NUDT19: variants seen among roughly 807,000 people sequenced by gnomAD.
NUDT19 encodes the protein nudix hydrolase 19.
Under a neutral mutation model 22.2 loss-of-function variants are expected in NUDT19, and 31 were observed. The observed-to-expected ratio is 1.40, with a 90% CI of 1.05 to 1.89. The LOEUF is 1.89. Ranked by LOEUF, NUDT19 falls within the 40% of genes most tolerant of loss-of-function variation. The pLI is 0.00. For synonymous variants in NUDT19, 325 were observed against 230.8 expected (o/e 1.41, Z -3.70); for missense variants, 752 against 514.2 (o/e 1.46, Z -4.47).
intron 2 of NUDT19, among the ~76,000 whole-genome samples, chr19:32,710,634 G>A (rs745412610): frequency 2.1e-4 from 32 of 151,792 alleles, no homozygotes; most frequent in Non-Finnish European, 4.1e-4. Context: ...TGGCTCACAC[G>A]TGTAATCTCA....
At chr19:32,705,106 C>CAA (rs34871387) in intron 1 of NUDT19, among the ~76,000 whole-genome samples, 131 of 53,948 alleles carry the variant, frequency 2.4e-3, no homozygotes, top group South Asian at 3.1e-3. Flanking sequence ...GACTTCATCT[C>CAA]AAAAAAAAAA....
chr19:32,711,695 C>T (rs897526933), intron 2 of NUDT19, 57 bp from the exon 3 acceptor site: 2 of 977,794 alleles, frequency 2.0e-6, no homozygotes, highest in South Asian at 1.5e-5. Flanking sequence ...ATACTTTCTG[C>T]CATGGTGAAA....
intron 2 of NUDT19, among the ~76,000 whole-genome samples, chr19:32,709,900 G>A (rs1968427825): frequency 6.6e-6 from 1 of 151,282 alleles, no homozygotes; most frequent in Non-Finnish European, 1.5e-5. Context: ...TGATCCACCC[G>A]CCTTGGCCTC....
intron 1 of NUDT19, among the ~76,000 whole-genome samples, chr19:32,693,338 G>A (rs1968224872): frequency 6.6e-6 from 1 of 152,172 alleles, no homozygotes. Context: ...TAAAGGTGGT[G>A]CGTCAGGAGT....
chr19:32,711,715 G>T (rs774881137), intron 2 of NUDT19, 37 bp from the exon 3 acceptor site: 1 of 1,220,292 alleles, frequency 8.2e-7, no homozygotes, highest in South Asian at 1.3e-5. Context: ...AAATAATTTT[G>T]TATTTAAAAA....
In NUDT19 at chr19:32,709,231, T is replaced by C. The variant is rs776949349; in HGVS notation, c.761T>C (p.Ile254Thr). 5 of 1,613,952 alleles carry C rather than the reference T, an allele frequency of 3.1e-6. No individual in the cohort carries two copies. In the Admixed American group the frequency reaches 8.3e-5, roughly 27 times the overall value. ...ACTGAAAGTTTCTTATCAAAAGAAA[T>C]TTGGTTGCCACCCCCACAGTTCTAC... ...EATESFLSKE[I>T]WLPPPQFYEV... Residue 254 changes from isoleucine to threonine, a missense_variant, in exon 2 of 3, where the codon ATT (isoleucine) becomes ACT (threonine). By Grantham distance (89) the Ile-to-Thr change is moderately conservative. Coordinates refer to ENST00000397061, the MANE Select transcript of NUDT19 (RefSeq NM_001105570.2).
chr19:32,704,143 T>G (rs1968363451), intron 1 of NUDT19, among the ~76,000 whole-genome samples: 1 of 152,218 alleles, frequency 6.6e-6, no homozygotes, highest in Non-Finnish European at 1.5e-5. Context: ...AAAGATACTT[T>G]GGCTAGGTAT....
intron 1 of NUDT19, among the ~76,000 whole-genome samples, chr19:32,700,039 C>G (rs939650320): frequency 6.6e-6 from 1 of 152,192 alleles, no homozygotes; most frequent in Non-Finnish European, 1.5e-5. Flanking sequence ...GTGAGTGTTA[C>G]AGCTCATAAA....
chr19:32,703,743 ACCTCCG>A (rs1968359385), intron 1 of NUDT19, among the ~76,000 whole-genome samples: 1 of 114,634 alleles, frequency 8.7e-6, no homozygotes, highest in African/African-American at 3.4e-5. Context: ...GCTCACTACA[ACCTCCG>A]CCTCTCTGGT....
rs781394337 is a variant in NUDT19, at chr19:32,709,408, A to C, written c.922+16A>C. On this transcript the variant is annotated intron_variant, in intron 2 of 2. Transcript: ENST00000397061. ...CTTTTACCAGGTAAACCAGTGAAGC[A>C]TCGGTGCTTTTGTTAGTATTCACAT... 12 of 1,609,214 alleles carry C rather than the reference A, an allele frequency of 7.5e-6. No individual in the cohort carries two copies. The African/African-American group carries it at 1.6e-4, about 21-fold the overall frequency.
At chr19:32,693,930 CA>C (rs1968234481) in intron 1 of NUDT19, among the ~76,000 whole-genome samples, 1 of 152,188 alleles carries the variant, frequency 6.6e-6, no homozygotes, top group Non-Finnish European at 1.5e-5. Flanking sequence ...TCCTGCTGGA[CA>C]GGGGCAAAGA....
At chr19:32,710,698 G>C (rs557539041) in intron 2 of NUDT19, among the ~76,000 whole-genome samples, 2 of 151,716 alleles carry the variant, frequency 1.3e-5, no homozygotes. Flanking sequence ...GTTCGAGACC[G>C]GCCTGACCAA....
Position 32,691,929 on chromosome 19 carries a change from G to A in NUDT19, c.-32G>A, listed in dbSNP as rs980168805. 2.0e-5 allele frequency: 24 copies of A among 1,186,806 alleles called. No homozygotes were observed. The highest frequency in any genetic ancestry group is 4.3e-5 in the South Asian group (1 of 23,254). The allele number at this position is 1,186,806 out of a possible 1,614,324, so 73.5% of individuals were successfully genotyped here. A position where few individuals can be genotyped will look rare whatever the true frequency, so the allele number is the denominator to read the frequency against. On this transcript the variant is annotated 5_prime_UTR_variant, in exon 1 of 3. Transcript: ENST00000397061. ...GGCCACCTGCCGTGGAGCTCAGGCC[G>A]CGCCAGAATCGGATCCGGGAAGCTG... is the stretch of plus-strand genomic sequence containing the variant.
intron 1 of NUDT19, among the ~76,000 whole-genome samples, chr19:32,693,917 A>G (rs990066042): frequency 6.6e-6 from 1 of 152,316 alleles, no homozygotes; most frequent in South Asian, 2.1e-4. Context: ...TGCTCTAGCT[A>G]CTTCCTGCTG....
At chr19:32,699,083 A>G (rs1968300830) in intron 1 of NUDT19, among the ~76,000 whole-genome samples, 1 of 152,206 alleles carries the variant, frequency 6.6e-6, no homozygotes, top group African/African-American at 2.4e-5. Context: ...GAGGGATTCT[A>G]AAATTCCAGA....
At chr19:32,709,439 G>T in intron 2 of NUDT19, 47 bp downstream of exon 2, 1 of 1,481,760 alleles carries the variant, frequency 6.7e-7, no homozygotes, top group East Asian at 2.3e-5. Flanking sequence ...CACATTCAGT[G>T]CCCTGGGCTG....
At chr19:32,701,892 C>T (rs748332558) in intron 1 of NUDT19, among the ~76,000 whole-genome samples, 1 of 152,074 alleles carries the variant, frequency 6.6e-6, no homozygotes, top group African/African-American at 2.4e-5. Flanking sequence ...TGGCTTACAC[C>T]TATAATCCCA....
intron 2 of NUDT19, among the ~76,000 whole-genome samples, chr19:32,710,549 G>A (rs569657802): frequency 1.3e-5 from 2 of 151,286 alleles, no homozygotes; most frequent in East Asian, 3.9e-4. Flanking sequence ...CCAAGATCAT[G>A]CCACTGCACT....
intron 1 of NUDT19, among the ~76,000 whole-genome samples, chr19:32,706,605 C>T (rs1968389816): frequency 6.6e-6 from 1 of 152,174 alleles, no homozygotes; most frequent in Admixed American, 6.5e-5. Flanking sequence ...ATCGCTTGAA[C>T]CCAGGAGGTG....
Sources: gnomAD v4.1 joint callset for allele counts (sites outside exome capture counted in the v4.1 genomes callset) on GRCh38, gnomAD v4.1.1 for gene constraint, MANE v1.5 for transcripts, NCBI Gene and HGNC (gene_info 2026-07-23, HGNC 2026-07-21) for gene names.